IFT74: variants seen among roughly 807,000 people sequenced by gnomAD.
The protein encoded by IFT74 is intraflagellar transport 74.
A neutral mutation model predicts 96.7 loss-of-function variants in IFT74; 92 were observed. That is an observed-to-expected ratio of 0.95 (90% confidence interval 0.80 to 1.13). The LOEUF (loss-of-function observed/expected upper bound fraction) is 1.13, where lower values mean the gene tolerates loss of function less well. Ranked by LOEUF, IFT74 falls within the 50% of genes most tolerant of loss-of-function variation. IFT74 has a pLI of 0.00. For missense variants in IFT74, 811 were observed against 698.2 expected (o/e 1.16, Z -1.82); for synonymous variants, 223 against 213.2 (o/e 1.05, Z -0.40).
intron 13 of IFT74, among the ~76,000 whole-genome samples, chr9:27,032,475 AT>A (rs143107303): frequency 6.6e-6 from 1 of 151,864 alleles, no homozygotes; most frequent in African/African-American, 2.4e-5. Flanking sequence ...TTTTAAAAAG[AT>A]TTTTTTTGTG....
chr9:26,995,326 C>G, intron 8 of IFT74: 1 of 492,276 alleles, frequency 2.0e-6, no homozygotes, highest in Non-Finnish European at 3.7e-6. Context: ...CTGTCAACTA[C>G]CGAGGAGTGT....
Position 27,040,256 on chromosome 9 carries a change from T to C in IFT74, c.1055-4486T>C, listed in dbSNP as rs73438220. Among the ~76,000 whole-genome samples the C allele has an allele frequency of 5.9e-3, 895 of 152,124 alleles. 12 individuals are homozygous for C. The highest frequency in any genetic ancestry group is 0.02 in the African/African-American group (842 of 41,486). On this transcript the variant is annotated intron_variant, in intron 13 of 19. Transcript: ENST00000380062. Reference sequence around the variant, plus strand: ...TAATAGGGATAGAAACCATGCCATATAGAAGATATTGAGGCCAGGTGCAGT... The same window carrying C: ...TAATAGGGATAGAAACCATGCCATACAGAAGATATTGAGGCCAGGTGCAGT...
chr9:26,997,622 C>T (rs1395839651), intron 8 of IFT74: 14 of 1,228,906 alleles, frequency 1.1e-5, no homozygotes, highest in Non-Finnish European at 1.6e-5. Flanking sequence ...GCATGAGCCA[C>T]TGCGCCTGGC....
intron 1 of IFT74, among the ~76,000 whole-genome samples, chr9:26,951,117 G>A (rs997028019): frequency 6.6e-6 from 1 of 152,210 alleles, no homozygotes; most frequent in Non-Finnish European, 1.5e-5. Flanking sequence ...GAATAGTTGG[G>A]TAGCTGGACT....
intron 8 of IFT74, among the ~76,000 whole-genome samples, chr9:26,997,277 G>A (rs960867035): frequency 1.4e-5 from 2 of 147,544 alleles, no homozygotes; most frequent in Non-Finnish European, 3.0e-5. Context: ...CTATGCAGCT[G>A]TTACTTTTTA....
At chr9:26,974,367 T>C (rs1012698297) in intron 2 of IFT74, among the ~76,000 whole-genome samples, 1 of 152,202 alleles carries the variant, frequency 6.6e-6, no homozygotes, top group African/African-American at 2.4e-5. Context: ...AGTGACAAAA[T>C]GGAGCTTAAA....
chr9:27,033,682 T>C (rs951888782), intron 13 of IFT74, among the ~76,000 whole-genome samples: 2 of 151,994 alleles, frequency 1.3e-5, no homozygotes, highest in Non-Finnish European at 2.9e-5. Context: ...TCCACATTGA[T>C]ATTTAGGCTG....
Position 27,065,724 on chromosome 9 carries a change from C to T in IFT74, c.*2988C>T, listed in dbSNP as rs918887593. 1.3e-5 allele frequency among the ~76,000 whole-genome samples: 2 copies of T among 152,142 alleles called. No individual in the cohort carries two copies. Among genetic ancestry groups the T allele is most frequent in the African/African-American group, 4.8e-5 (2 of 41,436 alleles). On this transcript the variant is annotated 3_prime_UTR_variant, in exon 20 of 20. Coordinates refer to ENST00000380062, the MANE Select transcript of IFT74 (RefSeq NM_025103.4). ...TTTTTGCTGTTCCCTTGCTCAGTTTCTCTAGACTTCTTTCCTTTTGCTATA... is the reference window on the plus strand; with the variant it reads ...TTTTTGCTGTTCCCTTGCTCAGTTTTTCTAGACTTCTTTCCTTTTGCTATA...
intron 8 of IFT74, chr9:26,995,544 G>T: frequency 1.9e-6 from 3 of 1,565,204 alleles, no homozygotes; most frequent in Non-Finnish European, 2.6e-6. Context: ...CATAATTCAT[G>T]GATATCTATA....
Position 27,047,279 on chromosome 9 carries a change from A to T in IFT74, c.1114A>T (p.Ile372Phe), listed in dbSNP as rs770638277. The T allele has an allele frequency of 4.4e-6, 7 of 1,605,982 alleles. No individual in the cohort carries two copies. In the South Asian group the frequency reaches 7.7e-5, roughly 18 times the overall value. ...TTATGTTTTCCAATTGTCAGCTTTT[A>T]TTGAGACTTTTGAGGAAACAAAGAA... is the stretch of plus-strand genomic sequence containing the variant. The part of the protein sequence containing the change: ...KKREEHMDTF[I>F]ETFEETKNQE... Residue 372 changes from isoleucine (I) to phenylalanine (F), a missense_variant, in exon 15 of 20, where the codon ATT becomes TTT. Ile to Phe is a conservative substitution (Grantham distance 21). Coordinates refer to ENST00000380062, the MANE Select transcript of IFT74 (RefSeq NM_025103.4).
chr9:26,962,964 T>C (rs961554449), intron 2 of IFT74, among the ~76,000 whole-genome samples: 10 of 151,514 alleles, frequency 6.6e-5, no homozygotes, highest in African/African-American at 2.4e-4. Context: ...TTTATTTTTA[T>C]TTTTTTGTTA....
At chr9:27,017,847 G>A (rs1333184927) in intron 11 of IFT74, among the ~76,000 whole-genome samples, 1 of 152,122 alleles carries the variant, frequency 6.6e-6, no homozygotes, top group Non-Finnish European at 1.5e-5. Flanking sequence ...ATTATAATTA[G>A]CATGTTGTTT....
chr9:27,035,928 C>CA lies in IFT74; in HGVS notation c.1054+6829dup, dbSNP rs145321106. Among the ~76,000 whole-genome samples, 801 of 152,188 alleles carry CA rather than the reference C, an allele frequency of 5.3e-3. 6 individuals are homozygous for CA. The highest frequency in any genetic ancestry group is 0.018 in the African/African-American group (765 of 41,498). On this transcript the variant is annotated intron_variant, in intron 13 of 19. Coordinates refer to ENST00000380062, the MANE Select transcript of IFT74 (RefSeq NM_025103.4). The stretch of plus-strand genomic sequence containing the variant: ...AGGGGCACTGAGTGTGCCATGCAGT[C>CA]AAAAATCCATGTATAACTTTTGACT...
intron 8 of IFT74, 93 bp downstream of exon 8, chr9:26,990,288 A>G (rs1827808116): frequency 1.6e-6 from 1 of 607,550 alleles, no homozygotes; most frequent in South Asian, 5.3e-5. Flanking sequence ...AATTTTCTTA[A>G]CAATTTCCCC....
chr9:26,996,005 G>T (rs1828135963), intron 8 of IFT74, among the ~76,000 whole-genome samples: 1 of 152,022 alleles, frequency 6.6e-6, no homozygotes, highest in Admixed American at 6.6e-5. Flanking sequence ...AATTCTCTTT[G>T]TTCAAAATAG....
intron 16 of IFT74, among the ~76,000 whole-genome samples, chr9:27,051,896 T>C (rs1819937089): frequency 1.3e-5 from 2 of 152,234 alleles, no homozygotes; most frequent in African/African-American, 4.8e-5. Context: ...TTCTTCAGGA[T>C]CCTATTTTCA....
intron 8 of IFT74, chr9:26,998,257 A>G: frequency 7.3e-7 from 1 of 1,367,748 alleles, no homozygotes; most frequent in Non-Finnish European, 9.8e-7. Context: ...AAAACAAAAA[A>G]AAGAAAGGCA....
chr9:27,055,372 T>G (rs1820115844), intron 16 of IFT74, among the ~76,000 whole-genome samples: 1 of 152,154 alleles, frequency 6.6e-6, no homozygotes, highest in South Asian at 2.1e-4. Context: ...TGGAGACAGC[T>G]GTGGCTAATA....
intron 12 of IFT74, among the ~76,000 whole-genome samples, chr9:27,025,568 A>G (rs1755259725): frequency 6.6e-6 from 1 of 152,180 alleles, no homozygotes; most frequent in Non-Finnish European, 1.5e-5. Flanking sequence ...GACAGAGGAA[A>G]GAATCTTAAG....
Sources: gnomAD v4.1 joint callset for allele counts (sites outside exome capture counted in the v4.1 genomes callset) on GRCh38, gnomAD v4.1.1 for gene constraint, MANE v1.5 for transcripts, NCBI Gene and HGNC (gene_info 2026-07-23, HGNC 2026-07-21) for gene names.